MACF1: variants seen among roughly 807,000 people sequenced by gnomAD.
MACF1 encodes microtubule-actin cross-linking factor 1.
A neutral mutation model predicts 854.8 loss-of-function variants in MACF1; 193 were observed. That is an observed-to-expected ratio of 0.23 (90% CI 0.20 to 0.25). The LOEUF (loss-of-function observed/expected upper bound fraction) is 0.25, where lower values mean the gene tolerates loss of function less well. Among genes scored for constraint, MACF1 ranks in the 10% least tolerant of loss-of-function variants. MACF1 has a pLI of 1.00. For synonymous variants in MACF1, 3,185 were observed against 3,226.7 expected, an observed-to-expected ratio of 0.99 and a Z score of 0.44; for missense variants, 7,722 against 8,929.1, an observed-to-expected ratio of 0.86 and a Z score of 5.45.
At chr1:39,249,475 C>T (rs1645016525) in intron 2 of MACF1, among the ~76,000 whole-genome samples, 1 of 152,076 alleles carries the variant, frequency 6.6e-6, no homozygotes, top group Admixed American at 6.6e-5. Context: ...TCTGTTTTTC[C>T]ATAGTTCCAA....
At chr1:39,376,110 A>T (rs1051829756) in intron 52 of MACF1, among the ~76,000 whole-genome samples, 2 of 152,220 alleles carry the variant, frequency 1.3e-5, no homozygotes, top group Admixed American at 1.3e-4. Context: ...CTTAAAATAG[A>T]TGCTTAGATG....
intron 65 of MACF1, 65 bp from the exon 66 acceptor site, chr1:39,430,637 C>A: frequency 7.8e-7 from 1 of 1,284,492 alleles, no homozygotes; most frequent in Non-Finnish European, 1.1e-6. Flanking sequence ...CAATTTCCAC[C>A]CAGCACAGTT....
chr1:39,475,082 C>T (rs1213097441), intron 97 of MACF1, among the ~76,000 whole-genome samples: 1 of 152,118 alleles, frequency 6.6e-6, no homozygotes, highest in Non-Finnish European at 1.5e-5. Context: ...CATTGTGCTT[C>T]CTAGTCCCCA....
At chr1:39,134,022 C>G (rs2148175425) in intron 2 of MACF1, among the ~76,000 whole-genome samples, 1 of 141,116 alleles carries the variant, frequency 7.1e-6, no homozygotes, top group South Asian at 2.3e-4. Context: ...ATATTATCAT[C>G]AGAAGAACAG....
In MACF1 at chr1:39,353,132, G is replaced by A. The variant is rs150239827; in HGVS notation, c.11325G>A (p.Ser3775=). The A allele has an allele frequency of 7.9e-5, 128 of 1,614,106 alleles. 1 individual carries two copies. Among genetic ancestry groups the A allele is most frequent in the African/African-American group, 7.3e-4 (55 of 75,024 alleles). ...ACCTTCCAGGAATGGAGCAGCTCTC[G>A]GGAGCTAGCTTGGAGAAAGGAGCCT... ...LTNLPGMEQL[S]GASLEKGALD... The change falls in exon 44 of 101, where the codon TCG becomes TCA. Residue 3775 remains serine, a synonymous_variant. Coordinates refer to ENST00000564288, the MANE Select transcript of MACF1 (RefSeq NM_001394062.1).
At chr1:39,222,166 C>T (rs986716852) in intron 1 of MACF1, among the ~76,000 whole-genome samples, 1 of 152,094 alleles carries the variant, frequency 6.6e-6, no homozygotes, top group Admixed American at 6.5e-5. Flanking sequence ...TTGCTGTCAC[C>T]CAGGCTGGAG....
At chr1:39,341,951 T>C (rs924375130) in intron 40 of MACF1, among the ~76,000 whole-genome samples, 1 of 151,966 alleles carries the variant, frequency 6.6e-6, no homozygotes, top group African/African-American at 2.4e-5. Flanking sequence ...GTTATATAGG[T>C]AAACTGCATG....
intron 36 of MACF1, among the ~76,000 whole-genome samples, chr1:39,330,741 C>CA (rs1348493638): frequency 6.6e-6 from 1 of 151,860 alleles, no homozygotes; most frequent in Non-Finnish European, 1.5e-5. Context: ...ATATTTCCTA[C>CA]ATGTTGGGGC....
chr1:39,205,264 A>C (rs1031264372), intron 1 of MACF1, 133 bp downstream of exon 1: 1 of 643,478 alleles, frequency 1.6e-6, no homozygotes, highest in African/African-American at 1.8e-5. Flanking sequence ...TGTCAGACTT[A>C]AGAGTGTGTG....
chr1:39,269,453 T>G, intron 6 of MACF1: 1 of 1,289,848 alleles, frequency 7.8e-7, no homozygotes, highest in Non-Finnish European at 1.0e-6. Context: ...TGGACCAGCC[T>G]GGAGGCCAAA....
chr1:39,189,043 TC>T (rs1369064020), intron 2 of MACF1, among the ~76,000 whole-genome samples: 1 of 152,208 alleles, frequency 6.6e-6, no homozygotes, highest in African/African-American at 2.4e-5. Context: ...CGGCCCATTG[TC>T]AGATTTCATT....
At chr1:39,143,835 C>T (rs1209943770) in intron 2 of MACF1, among the ~76,000 whole-genome samples, 2 of 152,044 alleles carry the variant, frequency 1.3e-5, no homozygotes, top group Admixed American at 6.6e-5. Context: ...AGTGCAGTGG[C>T]GCGATCTTCA....
chr1:39,310,219 A>G (rs1470495755), intron 24 of MACF1, 26 bp from the exon 25 acceptor site: 1 of 1,576,010 alleles, frequency 6.3e-7, no homozygotes. Context: ...ATTCTGTTGC[A>G]ATTTCTTCTG....
At chr1:39,161,054 C>T (rs1643788181) in intron 2 of MACF1, among the ~76,000 whole-genome samples, 1 of 152,040 alleles carries the variant, frequency 6.6e-6, no homozygotes, top group African/African-American at 2.4e-5. Flanking sequence ...AGTTCTGATC[C>T]CCAAATTCCT....
rs1412522970 is a variant in MACF1 at position 39,486,860 on chromosome 1, C to T, written c.*1066C>T. 2 of 152,596 alleles carry T rather than the reference C, an allele frequency of 1.3e-5. No individual in the cohort carries two copies. The highest frequency in any genetic ancestry group is 2.9e-5 in the Non-Finnish European group (2 of 68,036). 9.5% of individuals were successfully genotyped at this position (152,596 alleles called of 1,614,324 possible). On this transcript the variant is annotated 3_prime_UTR_variant, in exon 101 of 101. Coordinates refer to ENST00000564288, the MANE Select transcript of MACF1 (RefSeq NM_001394062.1). ...CTCCTGTTTTTTAGCTGCTGTTCTT[C>T]AGCTCCGACCATGTTGCTGTGTGAT...
At chr1:39,220,528 G>C (rs1216850298) in intron 1 of MACF1, among the ~76,000 whole-genome samples, 1 of 140,244 alleles carries the variant, frequency 7.1e-6, no homozygotes, top group Non-Finnish European at 1.5e-5. Flanking sequence ...TGCCACCCAG[G>C]CGGGAGTGCA....
intron 99 of MACF1, among the ~76,000 whole-genome samples, chr1:39,484,068 G>C (rs1256256774): frequency 6.6e-6 from 1 of 152,222 alleles, no homozygotes; most frequent in Non-Finnish European, 1.5e-5. Flanking sequence ...CAGGAGAATG[G>C]TGTGAACCCA....
intron 23 of MACF1, among the ~76,000 whole-genome samples, chr1:39,307,901 C>CTTTCTTT (rs1222230255): frequency 9.9e-5 from 5 of 50,396 alleles, no homozygotes; most frequent in Non-Finnish European, 1.8e-4. Flanking sequence ...TTCTTTCTTT[C>CTTTCTTT]TTTTTTTTTT....
intron 44 of MACF1, among the ~76,000 whole-genome samples, chr1:39,355,664 C>T (rs1489893232): frequency 6.6e-6 from 1 of 152,038 alleles, no homozygotes; most frequent in Admixed American, 6.5e-5. Context: ...CGGGGTTTCA[C>T]CATGTTGGCC....
Sources: gnomAD v4.1 joint callset for allele counts (sites outside exome capture counted in the v4.1 genomes callset) on GRCh38, gnomAD v4.1.1 for gene constraint, MANE v1.5 for transcripts, NCBI Gene and HGNC (gene_info 2026-07-23, HGNC 2026-07-21) for gene names.